Variants in CAMTA1 observed in about 807,000 individuals in gnomAD.
CAMTA1 encodes calmodulin-binding transcription activator 1.
A neutral mutation model predicts 170.9 loss-of-function variants in CAMTA1; 27 were observed. The observed-to-expected ratio is 0.16, with a 90% CI of 0.12 to 0.22. The LOEUF is 0.22. Among genes scored for constraint, CAMTA1 ranks in the 10% least tolerant of loss-of-function variants. The probability of loss-of-function intolerance (pLI) is 1.00; values close to 1 mark genes in which losing one functional copy is unlikely to be tolerated. For synonymous variants in CAMTA1, 833 were observed against 891.5 expected (o/e 0.93, Z 1.17); for missense variants, 1,619 against 2,217.2 (o/e 0.73, Z 5.42).
chr1:7,221,910 CACACACACACACACACAT>C (rs1478073324), intron 4 of CAMTA1, among the ~76,000 whole-genome samples: 1 of 149,376 alleles, frequency 6.7e-6, no homozygotes, highest in Admixed American at 6.6e-5. Context: ...GGTGCATACA[CACACACACACACACACAT>C]ACACACACAC....
intron 5 of CAMTA1, among the ~76,000 whole-genome samples, chr1:7,327,143 G>A (rs1290407049): frequency 3.3e-5 from 5 of 152,056 alleles, no homozygotes; most frequent in Admixed American, 6.5e-5. Context: ...GAGGCCGGGC[G>A]CAGTGGCTCA....
At chr1:7,116,197 C>T (rs936377104) in intron 4 of CAMTA1, among the ~76,000 whole-genome samples, 3 of 152,160 alleles carry the variant, frequency 2.0e-5, no homozygotes, top group Non-Finnish European at 4.4e-5. Flanking sequence ...TGACGGGTAA[C>T]CTCCAGTTCT....
intron 4 of CAMTA1, among the ~76,000 whole-genome samples, chr1:7,177,470 G>C (rs1350416536): frequency 4.9e-5 from 6 of 122,358 alleles, no homozygotes; most frequent in Admixed American, 1.6e-4. Flanking sequence ...ACACCCTGAG[G>C]CCCCCCCACA....
At chr1:7,103,081 G>A (rs985218047) in intron 4 of CAMTA1, among the ~76,000 whole-genome samples, 5 of 151,950 alleles carry the variant, frequency 3.3e-5, no homozygotes, top group African/African-American at 9.7e-5. Context: ...ATGGGGTGGG[G>A]GAGGTTGGGC....
At chr1:7,167,025 G>C (rs1648619481) in intron 4 of CAMTA1, among the ~76,000 whole-genome samples, 1 of 151,966 alleles carries the variant, frequency 6.6e-6, no homozygotes. Context: ...TGGCCAGACT[G>C]TTCTCAAACT....
rs958017107 is a variant in CAMTA1, at chr1:7,673,264, C to T, written c.2779+2227C>T. ...GGAGTCAGCCACACTCGGGTCCATC[C>T]CAGATCAGCCAGAAACCATCCCTGT... On this transcript the variant is annotated intron_variant, in intron 10 of 22. Transcript: ENST00000303635. This position sits in a 1 kb window ranked among gnomAD's most constrained non-coding sequence, Gnocchi z 4.6. Among the ~76,000 whole-genome samples the T allele has an allele frequency of 6.6e-6, 1 of 152,228 alleles. No homozygotes were observed. The highest frequency in any genetic ancestry group is 2.4e-5 in the African/African-American group (1 of 41,470).
rs140234682 is a variant in CAMTA1, at chr1:7,635,772, G to A, written c.511-4628G>A. Among the ~76,000 whole-genome samples the A allele has an allele frequency of 8.6e-4, 131 of 152,262 alleles. 1 individual carries two copies. The highest frequency in any genetic ancestry group is 3.1e-3 in the African/African-American group (127 of 41,562). On this transcript the variant is annotated intron_variant, in intron 6 of 22. Transcript: ENST00000303635. This position sits in a 1 kb window ranked among gnomAD's most constrained non-coding sequence, Gnocchi z 4.4. ...GCAGCTCAGCAAGGACTCTGACACC[G>A]TTATGAGCACTCCATGAAACTGATA...
chr1:7,103,185 C>T (rs917781888), intron 4 of CAMTA1, among the ~76,000 whole-genome samples: 1 of 152,020 alleles, frequency 6.6e-6, no homozygotes, highest in Admixed American at 6.5e-5. Context: ...CTATTATTAA[C>T]ACCCTTGCCT....
chr1:7,247,922 C>T (rs11120886), intron 4 of CAMTA1, among the ~76,000 whole-genome samples: 6,461 of 152,166 alleles, frequency 0.042, 479 homozygotes, highest in African/African-American at 0.14. Flanking sequence ...TTGTGACAAG[C>T]GCGTGGAGCC....
At chr1:7,297,069 A>T (rs1574500850) in intron 5 of CAMTA1, among the ~76,000 whole-genome samples, 1 of 152,292 alleles carries the variant, frequency 6.6e-6, no homozygotes, top group East Asian at 1.9e-4. Context: ...ACAAAACTGT[A>T]TTTTCAGAAA....
chr1:7,743,831 T>C lies in CAMTA1; in HGVS notation c.4183-1004T>C, dbSNP rs1017452938. On this transcript the variant is annotated intron_variant, in intron 16 of 22. Coordinates refer to ENST00000303635, the MANE Select transcript of CAMTA1 (RefSeq NM_015215.4). ...TGAGGATTCTTTTTTTCTTTTCTTT[T>C]CTTTTTTTTTTCTGAGACGGAGTCT... Among the ~76,000 whole-genome samples, 7 of 149,306 alleles carry C rather than the reference T, an allele frequency of 4.7e-5. No individual in the cohort carries two copies. In the South Asian group the frequency reaches 1.0e-3, roughly 22 times the overall value.
At chr1:7,661,913 G>C (rs115203894) in intron 8 of CAMTA1, 47 bp downstream of exon 8, 1 of 1,554,076 alleles carries the variant, frequency 6.4e-7, no homozygotes, top group Non-Finnish European at 8.7e-7. Context: ...GGACAGAGGG[G>C]CCCTACCAGG....
intron 3 of CAMTA1, among the ~76,000 whole-genome samples, chr1:7,024,197 C>T (rs961225328): frequency 1.3e-5 from 2 of 152,058 alleles, no homozygotes; most frequent in African/African-American, 4.8e-5. Context: ...ACAGAGACAA[C>T]AGGAGGGAGG....
intron 3 of CAMTA1, among the ~76,000 whole-genome samples, chr1:6,885,294 TG>T (rs548728821): frequency 6.6e-4 from 100 of 152,346 alleles, no homozygotes; most frequent in African/African-American, 2.4e-3. Flanking sequence ...TTAAAGGCAT[TG>T]TTAGTATAAT....
At chr1:7,134,237 A>G (rs909682383) in intron 4 of CAMTA1, among the ~76,000 whole-genome samples, 6 of 152,090 alleles carry the variant, frequency 3.9e-5, no homozygotes, top group Non-Finnish European at 5.9e-5. Flanking sequence ...ATTTCATTCT[A>G]TTTTATGGCT....
At chr1:7,284,449 G>A (rs1302529519) in intron 5 of CAMTA1, among the ~76,000 whole-genome samples, 3 of 151,982 alleles carry the variant, frequency 2.0e-5, no homozygotes, top group Non-Finnish European at 2.9e-5. Context: ...TGATCTGCCC[G>A]CCTTGGCCTC....
At chr1:7,170,162 A>G (rs1270829374) in intron 4 of CAMTA1, among the ~76,000 whole-genome samples, 1 of 152,188 alleles carries the variant, frequency 6.6e-6, no homozygotes, top group Non-Finnish European at 1.5e-5. Context: ...ATTTAAATGA[A>G]CAATTCCTTT....
In CAMTA1 at chr1:7,680,990, C is replaced by CG. The variant is rs200026629; in HGVS notation, c.2914+3263dup. The stretch of plus-strand genomic sequence containing the variant: ...AGGGCGATCGTCCCCACGTTGGGGC[C>CG]GGGGGGCAGGGACCCGACGTCCCCA... On this transcript the variant is annotated intron_variant, in intron 11 of 22. Coordinates refer to ENST00000303635, the MANE Select transcript of CAMTA1 (RefSeq NM_015215.4). The surrounding 1 kb of genome is among the most constrained non-coding windows in gnomAD (Gnocchi z 4.4). Among the ~76,000 whole-genome samples, 4 of 152,106 alleles carry CG rather than the reference C, an allele frequency of 2.6e-5. No individual in the cohort carries two copies. Among genetic ancestry groups the CG allele is most frequent in the South Asian group, 2.1e-4 (1 of 4,828 alleles).
intron 6 of CAMTA1, among the ~76,000 whole-genome samples, chr1:7,557,200 C>T (rs1157995431): frequency 2.6e-5 from 4 of 151,620 alleles, no homozygotes; most frequent in African/African-American, 7.3e-5. Context: ...CCCAGCTACT[C>T]GGGAGGCTGA....
Sources: allele counts gnomAD v4.1 joint callset (sites outside exome capture counted in the v4.1 genomes callset), GRCh38; gene constraint gnomAD v4.1.1; non-coding constraint Gnocchi (gnomAD v3.1); transcripts MANE v1.5; gene names NCBI Gene and HGNC (gene_info 2026-07-23, HGNC 2026-07-21).